SYNM: variants seen among roughly 807,000 people sequenced by gnomAD.
The protein encoded by SYNM is synemin, also known as desmuslin.
SYNM carries 95 observed loss-of-function variants against 104.0 expected under a neutral mutation model. That is an observed-to-expected ratio of 0.91 (90% confidence interval 0.77 to 1.08). The LOEUF is 1.08. Among genes scored for constraint, SYNM ranks in the 50% least tolerant of loss-of-function variants. The probability of loss-of-function intolerance (pLI) is 0.00; values close to 1 mark genes in which losing one functional copy is unlikely to be tolerated. For synonymous variants in SYNM, 918 were observed against 869.0 expected (o/e 1.06, Z -0.99); for missense variants, 2,150 against 2,052.2 (o/e 1.05, Z -0.92).
Position 99,130,022 on chromosome 15 carries a change from C to T in SYNM, c.1662C>T (p.Ser554=). The T allele has an allele frequency of 1.2e-6, 2 of 1,613,544 alleles. No individual in the cohort carries two copies. The highest frequency in any genetic ancestry group is 3.3e-4 in the Middle Eastern group (2 of 6,062). Reference sequence around the variant, plus strand: ...ATAAGGAAGCGAGACAGAGAGAAAGCCAGCAGATGAAGGAGAAGGCTAAGG... The same window carrying T: ...ATAAGGAAGCGAGACAGAGAGAAAGTCAGCAGATGAAGGAGAAGGCTAAGG... ...KLDKEARQRE[S]QQMKEKAKEK... The change falls in exon 4 of 4, where the codon AGC becomes AGT. Residue 554 remains serine, a synonymous_variant. Transcript: ENST00000336292.
Position 99,129,673 on chromosome 15 carries a change from C to T in SYNM, c.1313C>T (p.Thr438Ile). The part of the protein sequence containing the change: ...FSPTYGLLRN[T>I]EAQVKTFPDR... ...CCAACCTATGGCCTTTTAAGAAATA[C>T]TGAGGCTCAAGTGAAAACATTCCCT... The change falls in exon 4 of 4, where the codon ACT (threonine) becomes ATT (isoleucine). Residue 438 changes from threonine to isoleucine, a missense_variant. Thr to Ile is a moderately conservative substitution (Grantham distance 89). Transcript: ENST00000336292. 4 of 1,613,944 alleles carry T rather than the reference C, an allele frequency of 2.5e-6. No individual in the cohort carries two copies. Among genetic ancestry groups the T allele is most frequent in the East Asian group, 4.5e-5 (2 of 44,884 alleles).
chr15:99,137,820 G>T, downstream of SYNM: 2 of 871,914 alleles, frequency 2.3e-6, no homozygotes, highest in South Asian at 1.9e-5. Flanking sequence ...ATATCACCCT[G>T]AAGGGCATCC....
At chr15:99,135,626 AGATTTT>A (rs1300076927), downstream of SYNM, 1 of 152,674 alleles carries the variant, frequency 6.5e-6, no homozygotes, top group Admixed American at 6.5e-5. Flanking sequence ...TATTTTCAGT[AGATTTT>A]GATGTTTCCT....
At chr15:99,139,423 A>T, downstream of SYNM, 1 of 1,614,106 alleles carries the variant, frequency 6.2e-7, no homozygotes, top group African/African-American at 1.3e-5. Context: ...AGCAGCTATC[A>T]TGAGGCTATG....
chr15:99,118,762 C>A (rs1487451357), intron 2 of SYNM, among the ~76,000 whole-genome samples: 1 of 152,132 alleles, frequency 6.6e-6, no homozygotes, highest in African/African-American at 2.4e-5. Context: ...GAGTCTAAGA[C>A]TGGGGTTTTG....
intron 2 of SYNM, among the ~76,000 whole-genome samples, chr15:99,119,688 T>G (rs1429944246): frequency 6.6e-6 from 1 of 152,244 alleles, no homozygotes; most frequent in African/African-American, 2.4e-5. Context: ...GGACAGAATC[T>G]GAAGCTCTGA....
intron 2 of SYNM, among the ~76,000 whole-genome samples, chr15:99,117,758 C>T (rs1293866865): frequency 4.8e-5 from 4 of 82,970 alleles, no homozygotes; most frequent in Admixed American, 1.2e-4. Context: ...TATTCACAAG[C>T]CACGGGGCCT....
chr15:99,110,883 C>T (rs782516639), intron 1 of SYNM, among the ~76,000 whole-genome samples: 1 of 152,220 alleles, frequency 6.6e-6, no homozygotes, highest in Non-Finnish European at 1.5e-5. Context: ...TGTCCTGACC[C>T]ACAGCTTGCT....
At position 99,132,709 on chromosome 15, in the gene SYNM, A is replaced by G. The variant is rs553819438; in HGVS notation, c.4349A>G (p.His1450Arg). The G allele has an allele frequency of 2.7e-5, 44 of 1,614,038 alleles. No individual in the cohort carries two copies. The African/African-American group carries it at 5.3e-4, about 20-fold the overall frequency. Residue 1450 changes from histidine to arginine, a missense_variant, in exon 4 of 4, where the codon CAC becomes CGC. By Grantham distance (29) the His-to-Arg change is conservative (BLOSUM62 0). Coordinates refer to ENST00000336292, the MANE Select transcript of SYNM (RefSeq NM_145728.3). ...GCAGACAGCAGCAGAACGCTAAGGC[A>G]CATTGCACCAGGGCCCAAAGAAACT... ...KLADSSRTLR[H>R]IAPGPKETSF...
At chr15:99,116,321 C>T (rs1375336671) in intron 2 of SYNM, among the ~76,000 whole-genome samples, 4 of 152,208 alleles carry the variant, frequency 2.6e-5, no homozygotes, top group African/African-American at 9.7e-5. Context: ...AACTTGAAAA[C>T]ACTCGGGCTT....
downstream of SYNM, chr15:99,136,639 A>AC (rs2067612885): frequency 6.6e-6 from 1 of 151,860 alleles, no homozygotes. Flanking sequence ...CCAAGACCCC[A>AC]CCCCCAATAC....
At chr15:99,106,030 C>T (rs1407140723) in intron 1 of SYNM, 21 bp downstream of exon 1, 2 of 1,431,404 alleles carry the variant, frequency 1.4e-6, no homozygotes, top group East Asian at 2.7e-5. Context: ...GGGGATGGCG[C>T]GCTGACCCCA....
downstream of SYNM, chr15:99,137,912 C>T (rs1175561784): frequency 7.1e-6 from 11 of 1,556,472 alleles, no homozygotes; most frequent in Non-Finnish European, 8.7e-6. Context: ...AAATCTGTAT[C>T]CTGACTGTTG....
Position 99,130,359 on chromosome 15 carries a change from A to G in SYNM, c.1999A>G (p.Lys667Glu), listed in dbSNP as rs1555485586. The change falls in exon 4 of 4, where the codon AAA (lysine) becomes GAA (glutamate). Residue 667 changes from lysine (K) to glutamate (E), a missense_variant. Transcript: ENST00000336292. ...EASADSFPDT[K>E]VTYVDRKELP... ...ATCTGCTGATTCTTTTCCAGACACA[A>G]AAGTCACTTACGTGGACAGGAAAGA... 6.2e-7 allele frequency: 1 copy of G among 1,613,778 alleles called. No homozygotes were observed.
Sources: gnomAD v4.1 joint callset for allele counts (sites outside exome capture counted in the v4.1 genomes callset) on GRCh38, gnomAD v4.1.1 for gene constraint, MANE v1.5 for transcripts, NCBI Gene and HGNC (gene_info 2026-07-23, HGNC 2026-07-21) for gene names.